Variants in ZNF804B observed in about 807,000 individuals in gnomAD.
ZNF804B encodes zinc finger 804B.
Under a neutral mutation model 101.4 loss-of-function variants are expected in ZNF804B, and 80 were observed. The ratio of observed to expected loss-of-function variants is 0.79; its 90% CI spans 0.66 to 0.95. ZNF804B has a LOEUF of 0.95. Among genes scored for constraint, ZNF804B ranks in the 40% least tolerant of loss-of-function variants. The probability of loss-of-function intolerance (pLI) is 0.00; values close to 1 mark genes in which losing one functional copy is unlikely to be tolerated. For synonymous variants in ZNF804B, 622 were observed against 558.8 expected (o/e 1.11, Z -1.59); for missense variants, 1,673 against 1,561.9 (o/e 1.07, Z -1.20).
intron 1 of ZNF804B, among the ~76,000 whole-genome samples, chr7:88,999,619 TTAAA>T (rs1788255221): frequency 2.0e-5 from 3 of 152,034 alleles, no homozygotes; most frequent in African/African-American, 4.8e-5. Flanking sequence ...AAATTTTTTC[TTAAA>T]TAAAAAATAA....
intron 1 of ZNF804B, among the ~76,000 whole-genome samples, chr7:88,781,892 AATTG>A (rs1298473019): frequency 6.6e-6 from 1 of 152,154 alleles, no homozygotes; most frequent in African/African-American, 2.4e-5. Flanking sequence ...TAAAAGAATT[AATTG>A]ATTGAGAGGA....
chr7:89,203,893 A>G (rs941745996), intron 1 of ZNF804B, among the ~76,000 whole-genome samples: 1 of 152,340 alleles, frequency 6.6e-6, no homozygotes, highest in African/African-American at 2.4e-5. Flanking sequence ...CATGTAGAAC[A>G]TAAACACAGC....
intron 2 of ZNF804B, among the ~76,000 whole-genome samples, chr7:89,234,638 C>T (rs1297886515): frequency 6.6e-6 from 1 of 152,126 alleles, no homozygotes; most frequent in Non-Finnish European, 1.5e-5. Flanking sequence ...GGGTTTCTGT[C>T]TGTTTCTCTT....
At chr7:89,033,380 G>A (rs1788870170) in intron 1 of ZNF804B, among the ~76,000 whole-genome samples, 1 of 152,122 alleles carries the variant, frequency 6.6e-6, no homozygotes, top group African/African-American at 2.4e-5. Context: ...CACTTAGGTT[G>A]ATTTCATGAC....
intron 1 of ZNF804B, among the ~76,000 whole-genome samples, chr7:89,096,760 C>T (rs1316806273): frequency 2.0e-5 from 3 of 152,088 alleles, no homozygotes; most frequent in African/African-American, 7.2e-5. Flanking sequence ...AAGTAATTTT[C>T]ATTATGTGTT....
chr7:88,997,720 A>G (rs2189745), intron 1 of ZNF804B, among the ~76,000 whole-genome samples: 79,792 of 151,800 alleles, frequency 0.53, 21,789 homozygotes, highest in Middle Eastern at 0.64. Context: ...CTTTATTTCT[A>G]TTGTTCACAG....
chr7:89,155,640 C>T (rs986891134), intron 1 of ZNF804B, among the ~76,000 whole-genome samples: 3 of 152,180 alleles, frequency 2.0e-5, no homozygotes, highest in African/African-American at 7.2e-5. Context: ...TTATCTGGCT[C>T]TGTGCCTTCC....
At chr7:88,795,065 G>T in intron 1 of ZNF804B, 1 of 788,224 alleles carries the variant, frequency 1.3e-6, no homozygotes, top group Non-Finnish European at 1.9e-6. Context: ...AAAAAAAAGA[G>T]TAAATCACGG....
intron 1 of ZNF804B, among the ~76,000 whole-genome samples, chr7:88,898,489 GCA>G (rs1792343063): frequency 6.7e-6 from 1 of 149,674 alleles, no homozygotes; most frequent in Non-Finnish European, 1.5e-5. Flanking sequence ...CCCTTCTGCT[GCA>G]CACACATGCT....
At chr7:89,129,447 G>T (rs1404985641) in intron 1 of ZNF804B, among the ~76,000 whole-genome samples, 2 of 151,918 alleles carry the variant, frequency 1.3e-5, no homozygotes, top group African/African-American at 2.4e-5. Context: ...AGGAAGAAAT[G>T]AAAATAAATG....
chr7:89,046,695 T>TC (rs1190729330), intron 1 of ZNF804B, among the ~76,000 whole-genome samples: 1 of 152,146 alleles, frequency 6.6e-6, no homozygotes, highest in Non-Finnish European at 1.5e-5. Flanking sequence ...GATTTTCCTT[T>TC]TTTTTCCAAT....
chr7:89,074,532 T>A (rs1789587915), intron 1 of ZNF804B, among the ~76,000 whole-genome samples: 1 of 152,182 alleles, frequency 6.6e-6, no homozygotes, highest in Admixed American at 6.6e-5. Flanking sequence ...TGCTCCTCCT[T>A]GTCTTCCACC....
intron 2 of ZNF804B, among the ~76,000 whole-genome samples, chr7:89,218,542 G>T (rs538696247): frequency 2.6e-5 from 4 of 152,052 alleles, no homozygotes; most frequent in African/African-American, 9.7e-5. Context: ...ATTTATTTTA[G>T]AATTATATTC....
chr7:89,172,338 A>C (rs147627593), intron 1 of ZNF804B, among the ~76,000 whole-genome samples: 1 of 152,176 alleles, frequency 6.6e-6, no homozygotes, highest in Non-Finnish European at 1.5e-5. Context: ...AGAAAATGAC[A>C]GCAGTTAGTA....
rs1358268337 is a variant in ZNF804B, at chr7:89,336,479, A to G, written c.3497A>G (p.Gln1166Arg). Residue 1166 changes from glutamine to arginine, a missense_variant, in exon 4 of 4, where the codon CAG becomes CGG. By Grantham distance (43) the Gln-to-Arg change is conservative. Coordinates refer to ENST00000333190, the MANE Select transcript of ZNF804B (RefSeq NM_181646.5). ...DKYKILQLQA[Q>R]QHMQKQLLSK... is the part of the protein sequence containing the mutation. ...TATAAGATCCTACAGCTACAAGCCC[A>G]GCAGCATATGCAGAAGCAACTCCTA... 12 of 1,613,982 alleles carry G rather than the reference A, an allele frequency of 7.4e-6. No individual in the cohort carries two copies. The highest frequency in any genetic ancestry group is 1.0e-5 in the Non-Finnish European group (12 of 1,180,016).
At chr7:89,103,063 T>TGTTTTG (rs1173349882) in intron 1 of ZNF804B, among the ~76,000 whole-genome samples, 9 of 134,038 alleles carry the variant, frequency 6.7e-5, no homozygotes, top group African/African-American at 2.4e-4. Context: ...TTTTTTTTTT[T>TGTTTTG]TTTTTTTTTT....
chr7:89,071,047 G>A (rs1419402839), intron 1 of ZNF804B, among the ~76,000 whole-genome samples: 5 of 151,980 alleles, frequency 3.3e-5, no homozygotes, highest in Non-Finnish European at 7.4e-5. Flanking sequence ...ACATCCTCTT[G>A]TATAATTTAA....
chr7:89,242,733 G>A (rs987345447), intron 2 of ZNF804B, among the ~76,000 whole-genome samples: 1 of 151,652 alleles, frequency 6.6e-6, no homozygotes, highest in Non-Finnish European at 1.5e-5. Context: ...TTTTTCCAAA[G>A]CATATGTAAT....
intron 2 of ZNF804B, among the ~76,000 whole-genome samples, chr7:89,255,840 A>G (rs1234297725): frequency 6.6e-6 from 1 of 152,128 alleles, no homozygotes; most frequent in African/African-American, 2.4e-5. Context: ...TATTCAGACC[A>G]TAAATCAGTA....
Sources: allele counts gnomAD v4.1 joint callset (sites outside exome capture counted in the v4.1 genomes callset), GRCh38; gene constraint gnomAD v4.1.1; transcripts MANE v1.5; gene names NCBI Gene and HGNC (gene_info 2026-07-23, HGNC 2026-07-21).